GPATCH2: variants seen among roughly 807,000 people sequenced by gnomAD.
GPATCH2 encodes the protein G patch domain-containing protein 2.
In GPATCH2, 51 loss-of-function variants were observed where a neutral mutation model predicts 58.0. The observed-to-expected ratio is 0.88, with a 90% CI of 0.70 to 1.11. The LOEUF (loss-of-function observed/expected upper bound fraction) is 1.11. GPATCH2 is among the 50% of genes most tolerant of loss of function. GPATCH2 has a pLI of 0.00. For missense variants in GPATCH2, 625 were observed against 652.2 expected (o/e 0.96, Z 0.45); for synonymous variants, 222 against 218.5 (o/e 1.02, Z -0.14).
rs553830145 is a variant in GPATCH2, at chr1:217,437,266, G to A, written c.1367-5901C>T. Among the ~76,000 whole-genome samples the A allele has an allele frequency of 4.6e-5, 7 of 152,220 alleles. No homozygotes were observed. In the South Asian group the frequency reaches 8.3e-4, roughly 18 times the overall value. ...CCATGAGATCCCCCCGGGTGCCTAC[G>A]CCACCAGGGCCCTGGGTTTCAAGCA... is the stretch of plus-strand genomic sequence containing the variant. On this transcript the variant is annotated intron_variant, in intron 9 of 9. Transcript: ENST00000366935.
intron 8 of GPATCH2, among the ~76,000 whole-genome samples, chr1:217,452,759 G>C (rs6704055): frequency 0.18 from 26,659 of 151,422 alleles, 5,123 homozygotes; most frequent in African/African-American, 0.49. Context: ...TCCCTTCCCC[G>C]ACCCCCAACA....
chr1:217,458,731 A>C (rs1359665725), intron 8 of GPATCH2, among the ~76,000 whole-genome samples: 2 of 152,128 alleles, frequency 1.3e-5, no homozygotes, highest in South Asian at 4.1e-4. Context: ...AATTCTGCCC[A>C]TGTTAGAGAG....
chr1:217,612,091 G>C (rs1004322150), intron 3 of GPATCH2, among the ~76,000 whole-genome samples: 1 of 151,836 alleles, frequency 6.6e-6, no homozygotes, highest in Non-Finnish European at 1.5e-5. Context: ...GAGGCAGGAG[G>C]ATCCCTTGAG....
At chr1:217,573,700 G>T (rs1299599323) in intron 5 of GPATCH2, among the ~76,000 whole-genome samples, 1 of 152,166 alleles carries the variant, frequency 6.6e-6, no homozygotes, top group Non-Finnish European at 1.5e-5. Context: ...AAGAAAAGGA[G>T]TGTCATTTTC....
rs34766373 is a variant in GPATCH2, at chr1:217,534,574, GAAAA to G, written c.1099-19689_1099-19686del. On this transcript the variant is annotated intron_variant, in intron 5 of 9. Transcript: ENST00000366935. ...ATTTATAAAATTACTTACAGTCTGTGAAAAAAAAAAAAAAAGAACATTTAGGATA... is the reference window on the plus strand; with the variant it reads ...ATTTATAAAATTACTTACAGTCTGTGAAAAAAAAAAAGAACATTTAGGATA... Among the ~76,000 whole-genome samples, 151 of 147,254 alleles carry G rather than the reference GAAAA, an allele frequency of 1.0e-3. No homozygotes were observed. The East Asian group carries it at 0.01, about 10-fold the overall frequency.
At chr1:217,606,402 G>T (rs979084379) in intron 5 of GPATCH2, among the ~76,000 whole-genome samples, 1 of 151,926 alleles carries the variant, frequency 6.6e-6, no homozygotes, top group African/African-American at 2.4e-5. Context: ...AGGTATAAAA[G>T]AAACATAAAA....
At chr1:217,557,014 C>T (rs1571912996) in intron 5 of GPATCH2, among the ~76,000 whole-genome samples, 1 of 152,154 alleles carries the variant, frequency 6.6e-6, no homozygotes, top group Admixed American at 6.5e-5. Flanking sequence ...TTTACTTTCG[C>T]TCATCTTTCT....
chr1:217,506,303 C>T (rs575474506), intron 6 of GPATCH2, among the ~76,000 whole-genome samples: 25 of 152,168 alleles, frequency 1.6e-4, no homozygotes, highest in Middle Eastern at 6.8e-3. Flanking sequence ...CCGACAGTTT[C>T]CCTGTGAACT....
At chr1:217,575,475 T>C (rs573203291) in intron 5 of GPATCH2, among the ~76,000 whole-genome samples, 1 of 152,306 alleles carries the variant, frequency 6.6e-6, no homozygotes, top group East Asian at 1.9e-4. Context: ...TTGAATTTAT[T>C]GGTCAAAATT....
intron 1 of GPATCH2, among the ~76,000 whole-genome samples, chr1:217,629,034 C>A (rs1343223522): frequency 6.6e-6 from 1 of 152,068 alleles, no homozygotes; most frequent in Non-Finnish European, 1.5e-5. Flanking sequence ...GAATGATACA[C>A]CTACCTCAAA....
chr1:217,451,457 C>T (rs1042342225), intron 8 of GPATCH2, among the ~76,000 whole-genome samples: 5 of 152,184 alleles, frequency 3.3e-5, no homozygotes, highest in African/African-American at 1.2e-4. Context: ...ACCATCATTT[C>T]AATACTCCTT....
chr1:217,580,316 G>GA (rs1667009497), intron 5 of GPATCH2, among the ~76,000 whole-genome samples: 2 of 152,098 alleles, frequency 1.3e-5, no homozygotes, highest in Non-Finnish European at 1.5e-5. Context: ...AAAGGATGGG[G>GA]AAAAAGATGT....
intron 5 of GPATCH2, among the ~76,000 whole-genome samples, chr1:217,562,141 T>C (rs1665958826): frequency 6.6e-6 from 1 of 152,160 alleles, no homozygotes; most frequent in Non-Finnish European, 1.5e-5. Flanking sequence ...CTCCAGTGCT[T>C]GGGGAGGAGA....
chr1:217,529,319 G>C (rs1664072919), intron 5 of GPATCH2, among the ~76,000 whole-genome samples: 1 of 152,140 alleles, frequency 6.6e-6, no homozygotes, highest in African/African-American at 2.4e-5. Flanking sequence ...TAATGGTATT[G>C]GGAGGTGGGG....
At chr1:217,439,978 G>C (rs12137071) in intron 9 of GPATCH2, among the ~76,000 whole-genome samples, 2,056 of 152,166 alleles carry the variant, frequency 0.014, 17 homozygotes, top group Middle Eastern at 0.054. Context: ...CTATTCCAAA[G>C]GATAGAAAAA....
intron 6 of GPATCH2, among the ~76,000 whole-genome samples, chr1:217,499,163 G>A (rs1021490207): frequency 2.0e-5 from 3 of 152,162 alleles, no homozygotes; most frequent in African/African-American, 7.2e-5. Context: ...GAGATTGAGA[G>A]AGGTATTATG....
chr1:217,491,336 C>A (rs1031584165), intron 8 of GPATCH2, among the ~76,000 whole-genome samples: 1 of 152,074 alleles, frequency 6.6e-6, no homozygotes, highest in Admixed American at 6.6e-5. Flanking sequence ...ACATATTTCT[C>A]TCTCATAAGG....
rs759384182 is a variant in GPATCH2, at chr1:217,619,773, TA to T, written c.773+9del. The T allele has an allele frequency of 8.0e-7, 1 of 1,243,958 alleles. No individual in the cohort carries two copies. Among genetic ancestry groups the T allele is most frequent in the African/African-American group, 1.5e-5 (1 of 67,144 alleles). 77.1% of individuals were successfully genotyped at this position (1,243,958 alleles called of 1,614,324 possible). Reference sequence around the variant, plus strand: ...TAAATATTTTTATATTTAGAGAATATAAAAGTCACCTTTCACTCATGAGCTC... The same window carrying T: ...TAAATATTTTTATATTTAGAGAATATAAAGTCACCTTTCACTCATGAGCTC... On this transcript the variant is annotated intron_variant, in intron 2 of 9. Coordinates refer to ENST00000366935, the MANE Select transcript of GPATCH2 (RefSeq NM_018040.5).
In GPATCH2 at chr1:217,458,883, C is replaced by T. The variant is rs78598584; in HGVS notation, c.1278-9546G>A. ...CTGTGCATGTTGCTGTCATATCTTA[C>T]CATACAGTATATAGTATTTGCCTCA... is the stretch of plus-strand genomic sequence containing the variant. On this transcript the variant is annotated intron_variant, in intron 8 of 9. Transcript: ENST00000366935. 2.6e-3 allele frequency among the ~76,000 whole-genome samples: 393 copies of T among 152,232 alleles called. 1 individual carries two copies. The highest frequency in any genetic ancestry group is 9.1e-3 in the African/African-American group (378 of 41,538).
Sources: gnomAD v4.1 joint callset for allele counts (sites outside exome capture counted in the v4.1 genomes callset) on GRCh38, gnomAD v4.1.1 for gene constraint, MANE v1.5 for transcripts, NCBI Gene and HGNC (gene_info 2026-07-23, HGNC 2026-07-21) for gene names.